The following ADK variants were observed in gnomAD, a reference collection of about 807,000 sequenced individuals.
ADK encodes adenosine kinase.
Under a neutral mutation model 44.7 loss-of-function variants are expected in ADK, and 24 were observed. The ratio of observed to expected loss-of-function variants is 0.54; its 90% CI spans 0.39 to 0.76. The LOEUF (loss-of-function observed/expected upper bound fraction) is 0.76. Ranked by LOEUF, ADK falls within the 30% of genes least tolerant of loss-of-function variation. ADK has a pLI of 0.00. For missense variants in ADK, 321 were observed against 425.1 expected (o/e 0.76, Z 2.15); for synonymous variants, 128 against 142.6 (o/e 0.90, Z 0.73).
chr10:74,311,157 A>G (rs1300498946), intron 3 of ADK, among the ~76,000 whole-genome samples: 1 of 152,170 alleles, frequency 6.6e-6, no homozygotes, highest in African/African-American at 2.4e-5. Flanking sequence ...TTCAGTAGAC[A>G]TGTATATTGG....
chr10:74,190,821 C>T (rs1842930073), intron 1 of ADK, among the ~76,000 whole-genome samples: 1 of 152,098 alleles, frequency 6.6e-6, no homozygotes, highest in Non-Finnish European at 1.5e-5. Flanking sequence ...TCAGGGCTAG[C>T]CTGGAGCTGG....
chr10:74,246,846 A>G (rs964128391), intron 3 of ADK, among the ~76,000 whole-genome samples: 3 of 152,190 alleles, frequency 2.0e-5, no homozygotes, highest in African/African-American at 7.2e-5. Context: ...TGCAAAGATT[A>G]TAAAACAGTG....
intron 7 of ADK, chr10:74,527,932 C>T (rs934538633): frequency 3.2e-5 from 25 of 781,734 alleles, no homozygotes; most frequent in African/African-American, 5.2e-5. Flanking sequence ...GTTTCTTCGA[C>T]TTCATTGTGG....
intron 6 of ADK, among the ~76,000 whole-genome samples, chr10:74,439,956 G>T (rs1375348077): frequency 6.6e-6 from 1 of 151,696 alleles, no homozygotes; most frequent in African/African-American, 2.4e-5. Context: ...TTATAATGTA[G>T]AAATAGTTTT....
At chr10:74,474,536 TTCCTTTCTC>T (rs1301992647) in intron 6 of ADK, among the ~76,000 whole-genome samples, 1 of 151,464 alleles carries the variant, frequency 6.6e-6, no homozygotes, top group Non-Finnish European at 1.5e-5. Flanking sequence ...TTTCCTTTCT[TTCCTTTCTC>T]TCCTTTCTCC....
intron 4 of ADK, among the ~76,000 whole-genome samples, chr10:74,350,122 A>T (rs1488812524): frequency 6.6e-6 from 1 of 152,226 alleles, no homozygotes; most frequent in Non-Finnish European, 1.5e-5. Context: ...CATTCTTCTC[A>T]GCAGCACATG....
intron 1 of ADK, among the ~76,000 whole-genome samples, chr10:74,161,532 A>T (rs576558829): frequency 2.3e-3 from 340 of 148,334 alleles, no homozygotes; most frequent in African/African-American, 7.9e-3. Flanking sequence ...ATTTTAATTA[A>T]TTTTTTTTTT....
At chr10:74,356,016 T>TGG (rs1564672720) in intron 4 of ADK, among the ~76,000 whole-genome samples, 1 of 133,756 alleles carries the variant, frequency 7.5e-6, no homozygotes, top group Non-Finnish European at 1.6e-5. Context: ...TTTTTTTTTT[T>TGG]TTTTTTTTTT....
intron 4 of ADK, among the ~76,000 whole-genome samples, chr10:74,351,072 A>G (rs1435628709): frequency 1.3e-5 from 2 of 152,216 alleles, no homozygotes; most frequent in African/African-American, 4.8e-5. Context: ...TCCCTAACTC[A>G]TTTTATGAAG....
At chr10:74,400,188 G>A (rs534984760) in intron 6 of ADK, among the ~76,000 whole-genome samples, 1 of 152,200 alleles carries the variant, frequency 6.6e-6, no homozygotes, top group Non-Finnish European at 1.5e-5. Flanking sequence ...TGAGATTTGG[G>A]TGGTGTATTC....
At chr10:74,402,942 T>G (rs902238381) in intron 6 of ADK, among the ~76,000 whole-genome samples, 2 of 152,202 alleles carry the variant, frequency 1.3e-5, no homozygotes, top group African/African-American at 4.8e-5. Context: ...GTGGATGTCC[T>G]TTCTGTTTGT....
At chr10:74,332,470 C>A (rs957684763) in intron 4 of ADK, among the ~76,000 whole-genome samples, 3 of 152,190 alleles carry the variant, frequency 2.0e-5, no homozygotes, top group African/African-American at 7.2e-5. Flanking sequence ...ACCATCTGGT[C>A]TCTTTGGAGA....
intron 9 of ADK, among the ~76,000 whole-genome samples, chr10:74,637,284 C>T (rs886513476): frequency 1.3e-5 from 2 of 151,754 alleles, no homozygotes; most frequent in African/African-American, 4.8e-5. Context: ...TGATACTGAC[C>T]ACTGGCACAG....
Position 74,708,406 on chromosome 10 carries a change from G to C in ADK, c.1050G>C (p.Arg350=). 1.9e-6 allele frequency: 3 copies of C among 1,612,622 alleles called. No homozygotes were observed. The highest frequency in any genetic ancestry group is 1.7e-6 in the Non-Finnish European group (2 of 1,179,644). ...ATGCAGCAAGCATCATAATTAGACG[G>C]ACTGGCTGCACCTTTCCTGAGAAGC... is the stretch of plus-strand genomic sequence containing the variant. ...GHYAASIIIR[R]TGCTFPEKPD... is the part of the protein sequence containing the mutation. Residue 350 remains arginine, a synonymous_variant, in exon 11 of 11, where the codon CGG becomes CGC. Coordinates refer to ENST00000539909, the MANE Select transcript of ADK (RefSeq NM_006721.4).
chr10:74,461,925 TG>T (rs916777484), intron 6 of ADK, among the ~76,000 whole-genome samples: 1 of 152,106 alleles, frequency 6.6e-6, no homozygotes, highest in African/African-American at 2.4e-5. Flanking sequence ...GAAATTATCC[TG>T]TTGCCTGAAA....
chr10:74,705,743 A>T (rs991047463), intron 10 of ADK, among the ~76,000 whole-genome samples: 1 of 152,234 alleles, frequency 6.6e-6, no homozygotes, highest in Non-Finnish European at 1.5e-5. Context: ...AGCATTTTAC[A>T]TTCCCACAAT....
chr10:74,706,393 T>G (rs919816684), intron 10 of ADK, among the ~76,000 whole-genome samples: 3 of 152,232 alleles, frequency 2.0e-5, no homozygotes, highest in African/African-American at 7.2e-5. Context: ...CCTCAAGAGT[T>G]TTAGGATTTT....
At chr10:74,506,844 T>C (rs1485079258) in intron 6 of ADK, among the ~76,000 whole-genome samples, 1 of 152,224 alleles carries the variant, frequency 6.6e-6, no homozygotes. Context: ...TATGAGTTCA[T>C]GACATACTTA....
intron 6 of ADK, among the ~76,000 whole-genome samples, chr10:74,494,676 T>C (rs1847615990): frequency 6.6e-6 from 1 of 152,146 alleles, no homozygotes; most frequent in Admixed American, 6.5e-5. Context: ...TCTTTTTTTG[T>C]TTTTGAGATA....
Sources: gnomAD v4.1 joint callset for allele counts (sites outside exome capture counted in the v4.1 genomes callset) on GRCh38, gnomAD v4.1.1 for gene constraint, MANE v1.5 for transcripts, NCBI Gene and HGNC (gene_info 2026-07-23, HGNC 2026-07-21) for gene names.